Variants in CMIP observed in about 807,000 individuals in gnomAD.
The protein encoded by CMIP is c-Maf inducing protein, also known as C-Maf-inducing protein.
A neutral mutation model predicts 97.3 loss-of-function variants in CMIP; 13 were observed. The observed-to-expected ratio is 0.13, with a 90% confidence interval of 0.09 to 0.21. The LOEUF (loss-of-function observed/expected upper bound fraction) is 0.21, where lower values mean the gene tolerates loss of function less well. CMIP is among the 10% of genes least tolerant of loss of function. The probability of loss-of-function intolerance (pLI) is 1.00; values close to 1 mark genes in which losing one functional copy is unlikely to be tolerated. For synonymous variants in CMIP, 538 were observed against 436.3 expected, an observed-to-expected ratio of 1.23 and a Z score of -2.91; for missense variants, 847 against 1,024.9, an observed-to-expected ratio of 0.83 and a Z score of 2.37.
intron 1 of CMIP, chr16:81,495,526 A>G: frequency 6.2e-7 from 1 of 1,609,672 alleles, no homozygotes. Context: ...GACTCTGTCC[A>G]GCTTGATGTC....
intron 9 of CMIP, among the ~76,000 whole-genome samples, 163 bp from the exon 10 acceptor site, chr16:81,678,112 G>A (rs1022407788): frequency 6.6e-6 from 1 of 152,188 alleles, no homozygotes; most frequent in African/African-American, 2.4e-5. Flanking sequence ...GGCAAGCCGT[G>A]CACCCAGGCT....
intron 4 of CMIP, among the ~76,000 whole-genome samples, chr16:81,654,169 T>C (rs1189335836): frequency 6.6e-6 from 1 of 152,158 alleles, no homozygotes; most frequent in Non-Finnish European, 1.5e-5. Context: ...AGATTTTTTT[T>C]CCCCTCTCAG....
At chr16:81,657,475 C>T (rs974018079) in intron 4 of CMIP, among the ~76,000 whole-genome samples, 1 of 152,134 alleles carries the variant, frequency 6.6e-6, no homozygotes, top group Non-Finnish European at 1.5e-5. Flanking sequence ...TACTGGAAGC[C>T]CTGTTGACCG....
chr16:81,709,299 G>T (rs1170852804), intron 20 of CMIP, among the ~76,000 whole-genome samples: 1 of 152,150 alleles, frequency 6.6e-6, no homozygotes, highest in Non-Finnish European at 1.5e-5. Context: ...CTTTCATAGG[G>T]CATATACGGT....
intron 1 of CMIP, among the ~76,000 whole-genome samples, chr16:81,552,368 A>G (rs2090676357): frequency 6.6e-6 from 1 of 152,208 alleles, no homozygotes; most frequent in African/African-American, 2.4e-5. Flanking sequence ...TGAAAACCAC[A>G]CAGATCAATC....
chr16:81,533,727 C>A (rs1263983494), intron 1 of CMIP, among the ~76,000 whole-genome samples: 1 of 152,178 alleles, frequency 6.6e-6, no homozygotes, highest in Non-Finnish European at 1.5e-5. Flanking sequence ...AGTCCACCTG[C>A]CTCTGCCTCC....
Position 81,484,326 on chromosome 16 carries a change from G to A in CMIP, c.300+38785G>A, listed in dbSNP as rs933133898. ...CTGGGAGGCACGGGAAGCCAAAACCGCCTGTGAAGGAGGCCTGGTGCAGCT... is the reference window on the plus strand; with the variant it reads ...CTGGGAGGCACGGGAAGCCAAAACCACCTGTGAAGGAGGCCTGGTGCAGCT... On this transcript the variant is annotated intron_variant, in intron 1 of 20. Coordinates refer to ENST00000537098, the MANE Select transcript of CMIP (RefSeq NM_198390.3). 5.9e-5 allele frequency among the ~76,000 whole-genome samples: 9 copies of A among 152,220 alleles called. No individual in the cohort carries two copies. The South Asian group carries it at 6.2e-4, about 11-fold the overall frequency.
In CMIP at chr16:81,574,267, C is replaced by T. The variant is rs149919641; in HGVS notation, c.301-33300C>T. Among the ~76,000 whole-genome samples, 45 of 152,282 alleles carry T rather than the reference C, an allele frequency of 3.0e-4. 1 individual carries two copies. In the East Asian group the frequency reaches 7.9e-3, roughly 27 times the overall value. ...GCAGGCTGTGAATCTGATAACCCCA[C>T]GGCCCCCTCCTCCAACTGCTTGGCC... is the stretch of plus-strand genomic sequence containing the variant. On this transcript the variant is annotated intron_variant, in intron 1 of 20. Transcript: ENST00000537098.
chr16:81,594,461 C>CA (rs1410131712), intron 1 of CMIP, among the ~76,000 whole-genome samples: 1 of 151,556 alleles, frequency 6.6e-6, no homozygotes, highest in African/African-American at 2.4e-5. Context: ...TCAAAGTGTA[C>CA]AGTTGGGTTG....
chr16:81,542,100 C>T lies in CMIP; in HGVS notation c.301-65467C>T, dbSNP rs764307687. Reference sequence around the variant, plus strand: ...TGAAGGCCCTTTCTCGCTTTTCACTCTTAAACACAGCCCAGGAACAAGCTG... The same window carrying T: ...TGAAGGCCCTTTCTCGCTTTTCACTTTTAAACACAGCCCAGGAACAAGCTG... On this transcript the variant is annotated intron_variant, in intron 1 of 20. Transcript: ENST00000537098. Among the ~76,000 whole-genome samples, 8 of 152,288 alleles carry T rather than the reference C, an allele frequency of 5.3e-5. No individual in the cohort carries two copies. The South Asian group carries it at 1.5e-3, about 28-fold the overall frequency.
At chr16:81,500,657 T>G (rs1377572289) in intron 1 of CMIP, among the ~76,000 whole-genome samples, 2 of 151,606 alleles carry the variant, frequency 1.3e-5, no homozygotes, top group African/African-American at 4.8e-5. Context: ...TCCAGCTAAT[T>G]TTTGTATTTT....
intron 9 of CMIP, among the ~76,000 whole-genome samples, chr16:81,674,043 A>C (rs752440343): frequency 1.3e-5 from 2 of 152,192 alleles, no homozygotes; most frequent in African/African-American, 2.4e-5. Flanking sequence ...GCATTTGATA[A>C]ATCAGGGGCT....
At chr16:81,531,021 T>G (rs1597513186) in intron 1 of CMIP, among the ~76,000 whole-genome samples, 1 of 152,300 alleles carries the variant, frequency 6.6e-6, no homozygotes, top group Admixed American at 6.5e-5. Flanking sequence ...AACTGTAGCC[T>G]TCAAAAGGCA....
intron 1 of CMIP, among the ~76,000 whole-genome samples, chr16:81,601,093 A>T (rs1435761358): frequency 6.6e-6 from 1 of 152,160 alleles, no homozygotes; most frequent in Non-Finnish European, 1.5e-5. Context: ...ACATCCACCC[A>T]GCTGTCAGGG....
At chr16:81,458,338 G>T (rs1015930360) in intron 1 of CMIP, among the ~76,000 whole-genome samples, 1 of 152,156 alleles carries the variant, frequency 6.6e-6, no homozygotes, top group African/African-American at 2.4e-5. Flanking sequence ...CCGCAGGCTT[G>T]GTGAAGGGGG....
chr16:81,664,123 C>T, intron 6 of CMIP, 146 bp from the exon 7 acceptor site: 4 of 661,292 alleles, frequency 6.0e-6, no homozygotes, highest in Non-Finnish European at 9.9e-6. Flanking sequence ...AAAATAAACT[C>T]ATTTTTAGAA....
intron 1 of CMIP, among the ~76,000 whole-genome samples, chr16:81,532,747 C>T (rs2090263849): frequency 1.3e-5 from 2 of 152,244 alleles, no homozygotes; most frequent in Middle Eastern, 6.8e-3. Context: ...GGTGTGACTC[C>T]CTGGGATGCA....
intron 2 of CMIP, chr16:81,620,121 T>A (rs2091973520): frequency 6.6e-6 from 1 of 152,198 alleles, no homozygotes; most frequent in Non-Finnish European, 1.5e-5. Context: ...CTTTAAAACA[T>A]CCCTGGAAAA....
intron 1 of CMIP, among the ~76,000 whole-genome samples, chr16:81,553,125 C>T (rs116087042): frequency 2.6e-5 from 4 of 152,306 alleles, no homozygotes; most frequent in African/African-American, 4.8e-5. Flanking sequence ...GGGCCTGAGT[C>T]TCTGCTTGTT....
Sources: gnomAD v4.1 joint callset for allele counts (sites outside exome capture counted in the v4.1 genomes callset) on GRCh38, gnomAD v4.1.1 for gene constraint, MANE v1.5 for transcripts, NCBI Gene and HGNC (gene_info 2026-07-23, HGNC 2026-07-21) for gene names.